Variants in RFESD observed in about 807,000 individuals in gnomAD.
RFESD encodes the protein Rieske domain-containing protein.
A neutral mutation model predicts 24.4 loss-of-function variants in RFESD; 16 were observed. The ratio of observed to expected loss-of-function variants is 0.66; its 90% CI spans 0.44 to 1.00. RFESD has a LOEUF of 1.00. Among genes scored for constraint, RFESD ranks in the 50% least tolerant of loss-of-function variants. The pLI, the probability that RFESD is intolerant of heterozygous loss-of-function variation, is 0.00. For missense variants in RFESD, 208 were observed against 247.0 expected, an observed-to-expected ratio of 0.84 and a Z score of 1.06; for synonymous variants, 59 against 81.8, an observed-to-expected ratio of 0.72 and a Z score of 1.50.
rs1404113739 is a variant in RFESD, at chr5:95,654,231, G to A, written c.329G>A (p.Cys110Tyr). 6.2e-7 allele frequency: 1 copy of A among 1,611,730 alleles called. No individual in the cohort carries two copies. The highest frequency in any genetic ancestry group is 8.5e-7 in the Non-Finnish European group (1 of 1,179,064). ...GAATATCATGCTATGGATATTCGCT[G>A]TTACCGTAAGATTTTATTTTTCATT... The part of the protein sequence containing the change: ...KGEYHAMDIR[C>Y]YHSGGPLHLG... The change falls in exon 4 of 6, where the codon TGT becomes TAT. Residue 110 changes from cysteine (C) to tyrosine (Y), a missense_variant. Coordinates refer to ENST00000380005, the MANE Select transcript of RFESD (RefSeq NM_001131066.2).
rs1750467597 is a variant in RFESD, at chr5:95,653,217, A to G, written c.158+3A>G. 1.3e-6 allele frequency: 2 copies of G among 1,551,690 alleles called. No individual in the cohort carries two copies. The highest frequency in any genetic ancestry group is 1.7e-6 in the Non-Finnish European group (2 of 1,146,982). ...TCAGTGACCAGTTTTTATCTGAGGT[A>G]AGAAAATGAAAGGTTTTCATTCATA... On this transcript the variant is annotated splice_donor_region_variant and intron_variant, in intron 3 of 5. Transcript: ENST00000380005.
At chr5:95,647,749 G>A (rs1345574493) in intron 1 of RFESD, 1 of 151,890 alleles carries the variant, frequency 6.6e-6, no homozygotes, top group African/African-American at 2.4e-5. Flanking sequence ...GTGTCTTCAG[G>A]ATAGTTTACT....
intron 1 of RFESD, among the ~76,000 whole-genome samples, chr5:95,650,202 T>C (rs1691812519): frequency 6.6e-6 from 1 of 152,238 alleles, no homozygotes; most frequent in Non-Finnish European, 1.5e-5. Flanking sequence ...AAACAGCATA[T>C]GTATTACTTT....
chr5:95,647,118 T>A (rs1750134394), intron 1 of RFESD: 1 of 152,194 alleles, frequency 6.6e-6, no homozygotes, highest in African/African-American at 2.4e-5. Flanking sequence ...ATGAAAGCTC[T>A]AAAGTATAGA....
In RFESD at chr5:95,656,299, G is replaced by T. The variant is rs557639186; in HGVS notation, c.623G>T (p.Ser208Ile). Residue 208 changes from serine to isoleucine, a missense_variant, in exon 6 of 6, where the codon AGT (serine) becomes ATT (isoleucine). Coordinates refer to ENST00000380005, the MANE Select transcript of RFESD (RefSeq NM_001131066.2). ...YATGDFKVIKSSS is the reference protein window; with the variant it reads ...YATGDFKVIKISS ...ACTGGAGACTTCAAAGTAATTAAGA[G>T]TTCTTCCTGATAAAAAATATATAGA... is the stretch of plus-strand genomic sequence containing the variant. The T allele has an allele frequency of 6.6e-5, 106 of 1,602,130 alleles. No homozygotes were observed. The South Asian group carries it at 1.1e-3, about 16-fold the overall frequency.
chr5:95,647,053 C>A (rs974481220), intron 1 of RFESD: 1 of 152,310 alleles, frequency 6.6e-6, no homozygotes, highest in African/African-American at 2.4e-5. Flanking sequence ...CTGAGACCTG[C>A]CACCTAAGGG....
Position 95,656,509 on chromosome 5 carries a change from G to A in RFESD, c.*200G>A, listed in dbSNP as rs577781560. 1.0e-5 allele frequency: 5 copies of A among 500,960 alleles called. No homozygotes were observed. Among genetic ancestry groups the A allele is most frequent in the South Asian group, 6.1e-5 (2 of 32,566 alleles). The allele number at this position is 500,960 out of a possible 1,614,324, so 31.0% of individuals were successfully genotyped here. A position where few individuals can be genotyped will look rare whatever the true frequency, so the allele number is the denominator to read the frequency against. On this transcript the variant is annotated 3_prime_UTR_variant, in exon 6 of 6. Transcript: ENST00000380005. ...CAGGATCAATAGAATACATTTTATC[G>A]AATCTTCTGGATTAATTAGAAACCT...
Position 95,653,117 on chromosome 5 carries a change from T to C in RFESD, c.61T>C (p.Tyr21His). The C allele has an allele frequency of 6.4e-7, 1 of 1,551,698 alleles. No individual in the cohort carries two copies. Among genetic ancestry groups the C allele is most frequent in the Non-Finnish European group, 8.7e-7 (1 of 1,146,990 alleles). The change falls in exon 3 of 6, where the codon TAT becomes CAT. Residue 21 changes from tyrosine to histidine, a missense_variant and splice_region_variant. By Grantham distance (83) the Tyr-to-His change is moderately conservative. Coordinates refer to ENST00000380005, the MANE Select transcript of RFESD (RefSeq NM_001131066.2). ...PSSLSTLPLQ[Y>H]GILFPKLLAC... ...GCTTTTGTATTTGCTCTTCTTTCAG[T>C]ATGGAATTCTCTTCCCCAAGCTGTT...
rs1006612798 is a variant in RFESD, at chr5:95,651,097, CAA to C, written c.-135-1018_-135-1017del. Among the ~76,000 whole-genome samples, 248 of 48,326 alleles carry C rather than the reference CAA, an allele frequency of 5.1e-3. 2 individuals carry two copies. The East Asian group carries it at 0.095, about 19-fold the overall frequency. The allele number at this position is 48,326 out of a possible 152,430, so 31.7% of individuals were successfully genotyped here. A position where few individuals can be genotyped will look rare whatever the true frequency, so the allele number is the denominator to read the frequency against. On this transcript the variant is annotated intron_variant, in intron 1 of 5. Coordinates refer to ENST00000380005, the MANE Select transcript of RFESD (RefSeq NM_001131066.2). ...TGGGCTACAGAGTGAGACTCCGTCT[CAA>C]AAAAAAAAAAAAAAAAAAAAAGAAG...
intron 5 of RFESD, chr5:95,655,809 T>C (rs1257141219): frequency 6.6e-6 from 3 of 454,044 alleles, no homozygotes; most frequent in Admixed American, 7.7e-5. Flanking sequence ...CATGGTTTAG[T>C]TGCCTGAGCA....
At position 95,654,314 on chromosome 5, in the gene RFESD, A is replaced by G. The variant is rs1750580607; in HGVS notation, c.335-19A>G. 1 of 1,608,840 alleles carries G rather than the reference A, an allele frequency of 6.2e-7. No homozygotes were observed. Among genetic ancestry groups the G allele is most frequent in the Non-Finnish European group, 8.5e-7 (1 of 1,176,406 alleles). On this transcript the variant is annotated intron_variant, in intron 4 of 5. Transcript: ENST00000380005. ...TTCAGTTTTTTAGTGACTGCAGGTA[A>G]TATTCAATTCCTTTTCAGACTCAGG...
At chr5:95,646,931 G>A (rs1210739094) in intron 1 of RFESD, 114 bp downstream of exon 1, 1 of 152,404 alleles carries the variant, frequency 6.6e-6, no homozygotes, top group Admixed American at 6.5e-5. Flanking sequence ...CGGGGCCTGA[G>A]GCCCTCTTGG....
intron 3 of RFESD, among the ~76,000 whole-genome samples, chr5:95,653,706 C>A (rs189331663): frequency 1.2e-4 from 18 of 152,270 alleles, no homozygotes; most frequent in African/African-American, 3.1e-4. Context: ...TGAGACCAGC[C>A]TGGCCAACAC....
chr5:95,656,169 T>G lies in RFESD; in HGVS notation c.493T>G (p.Ser165Ala). The G allele has an allele frequency of 1.2e-6, 2 of 1,614,034 alleles. No individual in the cohort carries two copies. The highest frequency in any genetic ancestry group is 1.7e-6 in the Non-Finnish European group (2 of 1,179,938). Residue 165 changes from serine to alanine, a missense_variant, in exon 6 of 6, where the codon TCC becomes GCC. By Grantham distance (99) the Ser-to-Ala change is moderately conservative (BLOSUM62 1). Transcript: ENST00000380005. ...KDPSAKPKWCSKGIKQRIHTV... is the reference protein window; with the variant it reads ...KDPSAKPKWCAKGIKQRIHTV... ...TCCATCAGCAAAACCCAAGTGGTGCTCCAAAGGAATAAAGCAAAGGATTCA... is the reference window on the plus strand; with the variant it reads ...TCCATCAGCAAAACCCAAGTGGTGCGCCAAAGGAATAAAGCAAAGGATTCA...
Position 95,652,799 on chromosome 5 carries a change from C to T in RFESD, c.61-318C>T, listed in dbSNP as rs144090045. On this transcript the variant is annotated intron_variant, in intron 2 of 5. Coordinates refer to ENST00000380005, the MANE Select transcript of RFESD (RefSeq NM_001131066.2). ...TGTTGTTATTACTTTTTATCCCCTA[C>T]AGCATCAACCCCCTGCGGCAAGCCA... 1,407 of 326,020 alleles carry T rather than the reference C, an allele frequency of 4.3e-3. 18 individuals are homozygous for T. Among genetic ancestry groups the T allele is most frequent in the African/African-American group, 0.023 (1,091 of 46,756 alleles). 20.2% of individuals were successfully genotyped at this position (326,020 alleles called of 1,614,324 possible).
rs950290057 is a variant in RFESD, at chr5:95,656,306, C to T, written c.630C>T (p.Ser210=). The T allele has an allele frequency of 2.5e-6, 4 of 1,599,462 alleles. No homozygotes were observed. In the African/African-American group the frequency reaches 4.0e-5, roughly 16 times the overall value. The change falls in exon 6 of 6, where the codon TCC becomes TCT. Residue 210 remains serine (S), a synonymous_variant. Coordinates refer to ENST00000380005, the MANE Select transcript of RFESD (RefSeq NM_001131066.2). Reference sequence around the variant, plus strand: ...ACTTCAAAGTAATTAAGAGTTCTTCCTGATAAAAAATATATAGAAATGAAA... The same window carrying T: ...ACTTCAAAGTAATTAAGAGTTCTTCTTGATAAAAAATATATAGAAATGAAA... ...TGDFKVIKSS[S]
At chr5:95,652,626 G>A (rs941690918) in intron 2 of RFESD, 3 of 315,688 alleles carry the variant, frequency 9.5e-6, no homozygotes, top group African/African-American at 4.3e-5. Context: ...CTTCATTCAA[G>A]TTCATCAACC....
At chr5:95,652,936 C>T (rs1283403272) in intron 2 of RFESD, 181 bp from the exon 3 acceptor site, 14 of 760,138 alleles carry the variant, frequency 1.8e-5, no homozygotes, top group Non-Finnish European at 2.2e-5. Context: ...AATCAATTCA[C>T]ACTTTCCTGC....
chr5:95,654,320 A>T lies in RFESD; in HGVS notation c.335-13A>T, dbSNP rs764700872. ...TTTTTAGTGACTGCAGGTAATATTC[A>T]ATTCCTTTTCAGACTCAGGAGGACC... is the stretch of plus-strand genomic sequence containing the variant. On this transcript the variant is annotated splice_polypyrimidine_tract_variant and intron_variant, in intron 4 of 5. Transcript: ENST00000380005. The T allele has an allele frequency of 5.6e-6, 9 of 1,609,756 alleles. No homozygotes were observed. Among genetic ancestry groups the T allele is most frequent in the Middle Eastern group, 1.9e-4 (1 of 5,240 alleles).
Sources: allele counts gnomAD v4.1 joint callset (sites outside exome capture counted in the v4.1 genomes callset), GRCh38; gene constraint gnomAD v4.1.1; transcripts MANE v1.5; gene names NCBI Gene and HGNC (gene_info 2026-07-23, HGNC 2026-07-21).